Variants in SORT1 observed in about 807,000 individuals in gnomAD.
The protein encoded by SORT1 is sortilin.
Under a neutral mutation model 101.7 loss-of-function variants are expected in SORT1, and 39 were observed. The ratio of observed to expected loss-of-function variants is 0.38; its 90% CI spans 0.30 to 0.50. SORT1 has a LOEUF of 0.50. Ranked by LOEUF, SORT1 falls within the 20% of genes least tolerant of loss-of-function variation. The probability of loss-of-function intolerance (pLI) is 0.90; values close to 1 mark genes in which losing one functional copy is unlikely to be tolerated. For synonymous variants in SORT1, 396 were observed against 393.7 expected, an observed-to-expected ratio of 1.01 and a Z score of -0.07; for missense variants, 878 against 1,040.4, an observed-to-expected ratio of 0.84 and a Z score of 2.15.
rs138742624 is a variant in SORT1, at chr1:109,353,047, C to T, written c.708+1320G>A. Among the ~76,000 whole-genome samples, 100 of 152,202 alleles carry T rather than the reference C, an allele frequency of 6.6e-4. No homozygotes were observed. In the East Asian group the frequency reaches 0.015, roughly 23 times the overall value. On this transcript the variant is annotated intron_variant, in intron 5 of 19. Coordinates refer to ENST00000256637, the MANE Select transcript of SORT1 (RefSeq NM_002959.7). ...TCCACTGCTAGGCTAACTCTGAGGC[C>T]GGACACAGTGGCTCACACCTGTAAT...
rs1382707746 is a variant in SORT1 at position 109,312,020 on chromosome 1, G to A, written c.*2023C>T. On this transcript the variant is annotated 3_prime_UTR_variant, in exon 20 of 20. Coordinates refer to ENST00000256637, the MANE Select transcript of SORT1 (RefSeq NM_002959.7). The stretch of plus-strand genomic sequence containing the variant: ...AGAAATCCCAGATATCATTAAAAGC[G>A]AAGAGCCCTATCGTATATGGTTAGA... 3 of 152,298 alleles carry A rather than the reference G, an allele frequency of 2.0e-5. No homozygotes were observed. The highest frequency in any genetic ancestry group is 2.9e-5 in the Non-Finnish European group (2 of 68,050). The allele number at this position is 152,298 out of a possible 1,614,324, so 9.4% of individuals were successfully genotyped here.
At chr1:109,367,140 T>C (rs1377315878) in intron 3 of SORT1, 4 of 281,912 alleles carry the variant, frequency 1.4e-5, no homozygotes, top group East Asian at 6.3e-5. Flanking sequence ...AGTGGGAGGA[T>C]GGCTTGAGCC....
chr1:109,351,199 A>G (rs1475913812), intron 5 of SORT1, among the ~76,000 whole-genome samples, 197 bp from the exon 6 acceptor site: 1 of 152,184 alleles, frequency 6.6e-6, no homozygotes, highest in Non-Finnish European at 1.5e-5. Flanking sequence ...AGAATAACAA[A>G]TGCGTATGAA....
At chr1:109,395,321 A>G (rs1350465553) in intron 1 of SORT1, among the ~76,000 whole-genome samples, 3 of 146,342 alleles carry the variant, frequency 2.0e-5, no homozygotes, top group African/African-American at 7.7e-5. Flanking sequence ...CCTGGGTTCA[A>G]GTGATCGTCA....
intron 12 of SORT1, 92 bp downstream of exon 12, chr1:109,327,407 G>T: frequency 1.2e-6 from 1 of 814,498 alleles, no homozygotes; most frequent in Middle Eastern, 2.4e-4. Context: ...CATCCACATT[G>T]TTTCTTCTCA....
In SORT1 at chr1:109,375,541, C is replaced by CAAAAAAAAA. The variant is rs57014091; in HGVS notation, c.307-5961_307-5953dup. Among the ~76,000 whole-genome samples the CAAAAAAAAA allele has an allele frequency of 5.8e-3, 410 of 70,836 alleles. 53 individuals carry two copies. The highest frequency in any genetic ancestry group is 0.022 in the African/African-American group (371 of 16,686). 46.5% of individuals were successfully genotyped at this position (70,836 alleles called of 152,430 possible). On this transcript the variant is annotated intron_variant, in intron 1 of 19. Transcript: ENST00000256637. ...CCTGGGCGACAGTGAGACTCCGTTTCAAAAAAAAAAAAAAAAGATATAATA... is the reference window on the plus strand; with the variant it reads ...CCTGGGCGACAGTGAGACTCCGTTTCAAAAAAAAAAAAAAAAAAAAAAAAAGATATAATA...
chr1:109,338,613 A>T (rs951629690), intron 10 of SORT1, among the ~76,000 whole-genome samples: 17 of 152,154 alleles, frequency 1.1e-4, no homozygotes, highest in African/African-American at 3.9e-4. Context: ...AGTGGGTCAA[A>T]TTCAGGCTTA....
intron 13 of SORT1, among the ~76,000 whole-genome samples, chr1:109,326,132 G>A (rs1164152893): frequency 6.8e-6 from 1 of 147,062 alleles, no homozygotes; most frequent in African/African-American, 2.5e-5. Flanking sequence ...AGCTCACTGT[G>A]GCCTTGACCT....
rs767234330 is a variant in SORT1 at position 109,317,939 on chromosome 1, G to A, written c.2055C>T (p.Asp685=). The A allele has an allele frequency of 6.2e-7, 1 of 1,613,954 alleles. No homozygotes were observed. The highest frequency in any genetic ancestry group is 1.1e-5 in the South Asian group (1 of 91,084). Residue 685 remains aspartate (D), a synonymous_variant, in exon 16 of 20, where the codon GAC becomes GAT. Transcript: ENST00000256637. ...GTTCTGGCTGTTCCACACACTTGGA[G>A]TCATTTTCTGGACGGTAGTAGCCAA... ...CDFGYYRPEN[D]SKCVEQPELK... is the part of the protein sequence containing the mutation.
intron 1 of SORT1, among the ~76,000 whole-genome samples, chr1:109,389,051 A>G (rs1253100290): frequency 2.6e-5 from 4 of 152,196 alleles, no homozygotes; most frequent in African/African-American, 9.7e-5. Context: ...TGATAAACCA[A>G]ACGCATTTAT....
chr1:109,381,542 G>C (rs1297399238), intron 1 of SORT1, among the ~76,000 whole-genome samples: 1 of 152,124 alleles, frequency 6.6e-6, no homozygotes, highest in Admixed American at 6.5e-5. Context: ...CTACAAAACA[G>C]CATGTGACAT....
intron 10 of SORT1, 64 bp downstream of exon 10, chr1:109,340,660 G>C: frequency 6.4e-7 from 1 of 1,551,686 alleles, no homozygotes; most frequent in East Asian, 2.3e-5. Context: ...CAGGTTCCCC[G>C]AAGCCTCAAA....
chr1:109,345,819 T>A lies in SORT1; in HGVS notation c.895A>T (p.Ile299Phe). 1 of 1,613,672 alleles carries A rather than the reference T, an allele frequency of 6.2e-7. No individual in the cohort carries two copies. Among genetic ancestry groups the A allele is most frequent in the Non-Finnish European group, 8.5e-7 (1 of 1,179,596 alleles). ...CCAAATGAGTAGATTTTCACACCAA[T>A]AGTTTTGAAGCTTTTTCCCAAGTCT... ...TSDLGKSFKT[I>F]GVKIYSFGLG... Residue 299 changes from isoleucine (I) to phenylalanine (F), a missense_variant, in exon 8 of 20, where the codon ATT (isoleucine) becomes TTT (phenylalanine). Coordinates refer to ENST00000256637, the MANE Select transcript of SORT1 (RefSeq NM_002959.7).
rs1399741316 is a variant in SORT1 at position 109,310,002 on chromosome 1, C to T, written c.*4041G>A. ...GAGGATAAGGAGAGTATGACCAAAA[C>T]CCTCCTCCCTAGAGGTCCAAACACA... On this transcript the variant is annotated 3_prime_UTR_variant, in exon 20 of 20. Coordinates refer to ENST00000256637, the MANE Select transcript of SORT1 (RefSeq NM_002959.7). The T allele has an allele frequency of 1.3e-5, 2 of 152,598 alleles. No homozygotes were observed. The highest frequency in any genetic ancestry group is 4.1e-4 in the South Asian group (2 of 4,828). The allele number at this position is 152,598 out of a possible 1,614,324, so 9.5% of individuals were successfully genotyped here.
Position 109,353,571 on chromosome 1 carries a change from G to C in SORT1, c.708+796C>G, listed in dbSNP as rs72981172. Among the ~76,000 whole-genome samples, 1,464 of 152,166 alleles carry C rather than the reference G, an allele frequency of 9.6e-3. 27 individuals carry two copies. Among genetic ancestry groups the C allele is most frequent in the African/African-American group, 0.034 (1,406 of 41,470 alleles). ...AATGACTCTCAAACTTTGGTGCTCA[G>C]GCTCAGCTGGGGAGCCTGCTAAAAA... On this transcript the variant is annotated intron_variant, in intron 5 of 19. Coordinates refer to ENST00000256637, the MANE Select transcript of SORT1 (RefSeq NM_002959.7).
intron 3 of SORT1, 31 bp from the exon 4 acceptor site, chr1:109,355,500 G>C (rs762592250): frequency 1.0e-6 from 1 of 983,798 alleles, no homozygotes; most frequent in East Asian, 2.4e-5. Context: ...GCAAATTTAG[G>C]GTGCAGTGGT....
rs77268708 is a variant in SORT1, at chr1:109,319,357, C to T, written c.2025-1388G>A. Among the ~76,000 whole-genome samples the T allele has an allele frequency of 8.9e-3, 1,354 of 152,302 alleles. 26 individuals are homozygous for T. Among genetic ancestry groups the T allele is most frequent in the African/African-American group, 0.031 (1,292 of 41,562 alleles). The stretch of plus-strand genomic sequence containing the variant: ...TCCCCTCCTCCGACCTGCCCTGGGG[C>T]CTTGCTTCCCTGAGTATGAGGGGAA... On this transcript the variant is annotated intron_variant, in intron 15 of 19. Transcript: ENST00000256637.
chr1:109,361,988 T>C (rs1193926623), intron 3 of SORT1, among the ~76,000 whole-genome samples: 1 of 152,092 alleles, frequency 6.6e-6, no homozygotes, highest in Non-Finnish European at 1.5e-5. Context: ...TTTTGGGGGG[T>C]ACTTTTTCTG....
At chr1:109,352,007 C>A (rs545552970) in intron 5 of SORT1, among the ~76,000 whole-genome samples, 1 of 135,194 alleles carries the variant, frequency 7.4e-6, no homozygotes, top group Non-Finnish European at 1.6e-5. Context: ...TGTGTGTGTA[C>A]GCACGTGCAT....
Sources: gnomAD v4.1 joint callset for allele counts (sites outside exome capture counted in the v4.1 genomes callset) on GRCh38, gnomAD v4.1.1 for gene constraint, MANE v1.5 for transcripts, NCBI Gene and HGNC (gene_info 2026-07-23, HGNC 2026-07-21) for gene names.